The following KLHL1 variants were observed in gnomAD, a reference collection of about 807,000 sequenced individuals.
KLHL1 encodes kelch-like protein 1.
A neutral mutation model predicts 77.7 loss-of-function variants in KLHL1; 47 were observed. The ratio of observed to expected loss-of-function variants is 0.60; its 90% confidence interval spans 0.48 to 0.77. The LOEUF is 0.77. Ranked by LOEUF, KLHL1 falls within the 30% of genes least tolerant of loss-of-function variation. The pLI is 0.00. For missense variants in KLHL1, 925 were observed against 910.8 expected, an observed-to-expected ratio of 1.02 and a Z score of -0.20; for synonymous variants, 360 against 325.2, an observed-to-expected ratio of 1.11 and a Z score of -1.15.
At chr13:69,880,565 C>T (rs1205560201) in intron 5 of KLHL1, among the ~76,000 whole-genome samples, 1 of 152,010 alleles carries the variant, frequency 6.6e-6, no homozygotes, top group Non-Finnish European at 1.5e-5. Flanking sequence ...AGATAAAGCA[C>T]CTGAACCAAT....
At chr13:69,922,755 A>G (rs1250032743) in intron 4 of KLHL1, among the ~76,000 whole-genome samples, 1 of 152,130 alleles carries the variant, frequency 6.6e-6, no homozygotes, top group Non-Finnish European at 1.5e-5. Context: ...CACTATTCTC[A>G]TAGGAGAGTT....
chr13:69,816,287 G>T (rs1442110510), intron 6 of KLHL1, among the ~76,000 whole-genome samples: 2 of 146,782 alleles, frequency 1.4e-5, no homozygotes, highest in Non-Finnish European at 3.0e-5. Flanking sequence ...TTTGGAGACA[G>T]TCTCCCTCTG....
At chr13:69,894,698 G>A (rs1457645582) in intron 4 of KLHL1, 2 of 165,766 alleles carry the variant, frequency 1.2e-5, no homozygotes, top group African/African-American at 4.8e-5. Context: ...CAAGGTTTTA[G>A]CTGTGTCAGG....
At chr13:69,707,534 A>G in intron 10 of KLHL1, 91 bp downstream of exon 10, 1 of 1,220,234 alleles carries the variant, frequency 8.2e-7, no homozygotes, top group Non-Finnish European at 1.1e-6. Context: ...GGGTAATTAG[A>G]CTAGATTACT....
At chr13:70,026,963 C>T (rs1438606717) in intron 1 of KLHL1, among the ~76,000 whole-genome samples, 1 of 151,886 alleles carries the variant, frequency 6.6e-6, no homozygotes, top group Non-Finnish European at 1.5e-5. Flanking sequence ...CAATTTTATG[C>T]TGAAAAGTGT....
chr13:69,810,775 C>G (rs1593852360), intron 6 of KLHL1, among the ~76,000 whole-genome samples: 1 of 151,912 alleles, frequency 6.6e-6, no homozygotes, highest in East Asian at 1.9e-4. Flanking sequence ...CAAACACAGT[C>G]AGAAATGACA....
At chr13:69,722,663 G>A (rs1316476511) in intron 8 of KLHL1, among the ~76,000 whole-genome samples, 2 of 151,978 alleles carry the variant, frequency 1.3e-5, no homozygotes, top group Non-Finnish European at 2.9e-5. Flanking sequence ...AAATGCTGAT[G>A]AGGATGTGAA....
At chr13:69,908,260 TAG>T (rs1281678224) in intron 4 of KLHL1, among the ~76,000 whole-genome samples, 1 of 150,920 alleles carries the variant, frequency 6.6e-6, no homozygotes, top group Non-Finnish European at 1.5e-5. Flanking sequence ...GTGAGAGGGA[TAG>T]AGAGAGAGTA....
At chr13:69,727,518 G>A (rs1331229667) in intron 8 of KLHL1, among the ~76,000 whole-genome samples, 1 of 152,094 alleles carries the variant, frequency 6.6e-6, no homozygotes, top group Non-Finnish European at 1.5e-5. Context: ...GAATGATTTG[G>A]TATGGCTGGG....
chr13:70,106,118 T>C (rs553492836), intron 1 of KLHL1, among the ~76,000 whole-genome samples: 2 of 151,606 alleles, frequency 1.3e-5, no homozygotes, highest in Non-Finnish European at 3.0e-5. Flanking sequence ...ACATATATAA[T>C]TTTATCTATT....
intron 1 of KLHL1, among the ~76,000 whole-genome samples, chr13:70,093,517 T>C (rs964573966): frequency 6.6e-6 from 1 of 152,172 alleles, no homozygotes; most frequent in African/African-American, 2.4e-5. Flanking sequence ...AGAAAAAATA[T>C]CATATTCTAT....
At chr13:69,752,785 A>G (rs1874544195) in intron 7 of KLHL1, among the ~76,000 whole-genome samples, 1 of 152,178 alleles carries the variant, frequency 6.6e-6, no homozygotes, top group African/African-American at 2.4e-5. Flanking sequence ...AACATAGAAA[A>G]AAACTCAGGC....
intron 7 of KLHL1, among the ~76,000 whole-genome samples, chr13:69,751,456 A>G (rs1402270380): frequency 1.3e-5 from 2 of 152,032 alleles, no homozygotes; most frequent in African/African-American, 2.4e-5. Flanking sequence ...GTGAAAAGTG[A>G]TGACTGAGCT....
intron 5 of KLHL1, among the ~76,000 whole-genome samples, chr13:69,846,659 G>A (rs1032334165): frequency 6.6e-6 from 1 of 151,302 alleles, no homozygotes; most frequent in Non-Finnish European, 1.5e-5. Flanking sequence ...ATTATTCATT[G>A]TAAATAACCA....
chr13:69,720,749 TAGTG>T (rs1873010108), intron 8 of KLHL1, among the ~76,000 whole-genome samples: 1 of 151,264 alleles, frequency 6.6e-6, no homozygotes, highest in South Asian at 2.1e-4. Flanking sequence ...GATGACTAAA[TAGTG>T]AGTGAAAAGT....
intron 1 of KLHL1, among the ~76,000 whole-genome samples, chr13:70,033,000 T>A (rs1886143421): frequency 6.6e-6 from 1 of 152,200 alleles, no homozygotes; most frequent in South Asian, 2.1e-4. Context: ...TTTTGACTAT[T>A]AGCATTTATT....
chr13:69,791,174 A>G (rs952877213), intron 7 of KLHL1, among the ~76,000 whole-genome samples: 3 of 152,088 alleles, frequency 2.0e-5, no homozygotes, highest in Non-Finnish European at 4.4e-5. Context: ...CTGTATTTCT[A>G]TACGCTAGCA....
intron 1 of KLHL1, among the ~76,000 whole-genome samples, chr13:70,067,667 G>T (rs1477553886): frequency 2.0e-5 from 3 of 150,384 alleles, no homozygotes; most frequent in South Asian, 4.2e-4. Flanking sequence ...CAACAAAAAG[G>T]TTCTTGATGT....
intron 5 of KLHL1, among the ~76,000 whole-genome samples, chr13:69,839,656 A>G (rs1462194532): frequency 1.3e-5 from 2 of 152,134 alleles, no homozygotes; most frequent in Non-Finnish European, 2.9e-5. Flanking sequence ...AAATTTCTTC[A>G]TAACATCTCT....
Sources: allele counts gnomAD v4.1 joint callset (sites outside exome capture counted in the v4.1 genomes callset), GRCh38; gene constraint gnomAD v4.1.1; transcripts MANE v1.5; gene names NCBI Gene and HGNC (gene_info 2026-07-23, HGNC 2026-07-21).